ABCC4: variants seen among roughly 807,000 people sequenced by gnomAD.
ABCC4 encodes the protein ATP-binding cassette sub-family C member 4.
Under a neutral mutation model 168.5 loss-of-function variants are expected in ABCC4, and 102 were observed. The ratio of observed to expected loss-of-function variants is 0.61; its 90% confidence interval spans 0.52 to 0.71. The LOEUF (loss-of-function observed/expected upper bound fraction) is 0.71. ABCC4 is among the 30% of genes least tolerant of loss of function. ABCC4 has a pLI of 0.00. For synonymous variants in ABCC4, 617 were observed against 590.7 expected, an observed-to-expected ratio of 1.04 and a Z score of -0.65; for missense variants, 1,402 against 1,605.8, an observed-to-expected ratio of 0.87 and a Z score of 2.17.
intron 8 of ABCC4, among the ~76,000 whole-genome samples, chr13:95,196,463 A>G (rs2038417870): frequency 6.6e-6 from 1 of 152,058 alleles, no homozygotes; most frequent in Non-Finnish European, 1.5e-5. Context: ...TTAATGGCCA[A>G]TGTGATGGTA....
chr13:95,171,376 CG>C (rs2037468134), intron 13 of ABCC4, among the ~76,000 whole-genome samples: 1 of 136,354 alleles, frequency 7.3e-6, no homozygotes, highest in Non-Finnish European at 1.5e-5. Flanking sequence ...ACATTGTAAA[CG>C]TAGACTCCTG....
intron 16 of ABCC4, among the ~76,000 whole-genome samples, chr13:95,164,040 CAAAA>C (rs764381643): frequency 1.3e-5 from 1 of 74,724 alleles, no homozygotes; most frequent in African/African-American, 4.2e-5. Flanking sequence ...AACTCCATCT[CAAAA>C]AAAAAAAAAA....
chr13:95,031,102 G>A (rs1045257023), intron 30 of ABCC4, among the ~76,000 whole-genome samples: 1 of 152,240 alleles, frequency 6.6e-6, no homozygotes, highest in Admixed American at 6.5e-5. Flanking sequence ...TGTTACAGTT[G>A]TGAATGATGC....
intron 3 of ABCC4, among the ~76,000 whole-genome samples, chr13:95,238,582 T>C (rs2039844895): frequency 6.6e-6 from 1 of 152,014 alleles, no homozygotes; most frequent in Non-Finnish European, 1.5e-5. Context: ...TGAGATGGAG[T>C]TTCACTCTTG....
rs55980425 is a variant in ABCC4 at position 95,054,021 on chromosome 13, C to CTTTTTTTTTTTTTTTTT, written c.3367-854_3367-838dup. 14 of 71,636 alleles carry CTTTTTTTTTTTTTTTTT rather than the reference C, an allele frequency of 2.0e-4. 3 individuals carry two copies. The highest frequency in any genetic ancestry group is 9.4e-4 in the African/African-American group (13 of 13,778). The allele number at this position is 71,636 out of a possible 1,614,324, so 4.4% of individuals were successfully genotyped here. A position where few individuals can be genotyped will look rare whatever the true frequency, so the allele number is the denominator to read the frequency against. ...CTCTCCAATGTCAGAATGGGACATC[C>CTTTTTTTTTTTTTTTTT]TTTTTTTTTTTTTTTTTTTTTTTTT... On this transcript the variant is annotated intron_variant, in intron 26 of 30. Transcript: ENST00000645237.
intron 1 of ABCC4, among the ~76,000 whole-genome samples, chr13:95,292,492 T>A (rs2041427812): frequency 6.6e-6 from 1 of 152,164 alleles, no homozygotes; most frequent in Admixed American, 6.6e-5. Context: ...TGAACCTATT[T>A]TGGTTCTAGG....
At chr13:95,273,459 T>C (rs1024878486) in intron 1 of ABCC4, among the ~76,000 whole-genome samples, 4 of 152,124 alleles carry the variant, frequency 2.6e-5, no homozygotes, top group African/African-American at 4.8e-5. Context: ...AGACTCAGGG[T>C]GTGCCACCAG....
chr13:95,249,465 G>T (rs759490108), intron 1 of ABCC4, among the ~76,000 whole-genome samples: 3 of 152,128 alleles, frequency 2.0e-5, no homozygotes, highest in Non-Finnish European at 4.4e-5. Context: ...TCAATGCCCC[G>T]TAAGATTGGA....
intron 13 of ABCC4, among the ~76,000 whole-genome samples, chr13:95,172,581 A>T (rs2037515975): frequency 6.6e-6 from 1 of 151,766 alleles, no homozygotes; most frequent in Non-Finnish European, 1.5e-5. Context: ...GGAAAAAAAA[A>T]AAAAAAAGAC....
chr13:95,153,862 G>A (rs1050002080), intron 19 of ABCC4, among the ~76,000 whole-genome samples: 89 of 152,092 alleles, frequency 5.9e-4, no homozygotes, highest in African/African-American at 2.0e-3. Context: ...ATGTAACTAC[G>A]TAACTATTTA....
At chr13:95,131,243 A>G (rs193273473) in intron 19 of ABCC4, among the ~76,000 whole-genome samples, 1 of 152,218 alleles carries the variant, frequency 6.6e-6, no homozygotes, top group Non-Finnish European at 1.5e-5. Flanking sequence ...TAGGATTAAA[A>G]AAAGGGGAAG....
intron 8 of ABCC4, among the ~76,000 whole-genome samples, chr13:95,204,570 T>C (rs1234054808): frequency 6.6e-6 from 1 of 152,132 alleles, no homozygotes; most frequent in Non-Finnish European, 1.5e-5. Context: ...TGCTTCCCCT[T>C]CCGCCATGAC....
intron 18 of ABCC4, among the ~76,000 whole-genome samples, chr13:95,161,961 A>G (rs114966021): frequency 0.012 from 1,892 of 152,338 alleles, 53 homozygotes; most frequent in African/African-American, 0.042. Context: ...TGAATAAAAT[A>G]AATCATACAT....
rs541494316 is a variant in ABCC4, at chr13:95,064,433, G to C, written c.3211-1574C>G. Among the ~76,000 whole-genome samples the C allele has an allele frequency of 2.6e-5, 4 of 151,602 alleles. No homozygotes were observed. In the South Asian group the frequency reaches 8.4e-4, roughly 32 times the overall value. On this transcript the variant is annotated intron_variant, in intron 25 of 30. Coordinates refer to ENST00000645237, the MANE Select transcript of ABCC4 (RefSeq NM_005845.5). ...ATTTAAGATGACACATTCTTTGGTAGAGAAACTTCCAAATATTAAATACCT... is the reference window on the plus strand; with the variant it reads ...ATTTAAGATGACACATTCTTTGGTACAGAAACTTCCAAATATTAAATACCT...
chr13:95,072,225 C>T (rs2033753148), intron 24 of ABCC4, among the ~76,000 whole-genome samples: 1 of 152,192 alleles, frequency 6.6e-6, no homozygotes, highest in Non-Finnish European at 1.5e-5. Context: ...CTTTGGGAGG[C>T]CGGGGCAGGT....
At chr13:95,055,760 G>GT (rs1331070518) in intron 26 of ABCC4, 1 of 152,200 alleles carries the variant, frequency 6.6e-6, no homozygotes, top group African/African-American at 2.4e-5. Flanking sequence ...GGGTGCGCCT[G>GT]TAATTCCAGC....
At chr13:95,195,163 T>A (rs569377107) in intron 8 of ABCC4, among the ~76,000 whole-genome samples, 2 of 152,322 alleles carry the variant, frequency 1.3e-5, no homozygotes, top group Admixed American at 1.3e-4. Context: ...TTAGGAACTA[T>A]CTGTGTAATT....
chr13:95,105,873 C>CAGT (rs2034985928), intron 20 of ABCC4, among the ~76,000 whole-genome samples: 1 of 152,028 alleles, frequency 6.6e-6, no homozygotes, highest in South Asian at 2.1e-4. Context: ...TTCAGGTGAC[C>CAGT]GCAAAGAGCA....
chr13:95,190,685 A>G (rs1314393711), intron 9 of ABCC4, among the ~76,000 whole-genome samples: 1 of 152,242 alleles, frequency 6.6e-6, no homozygotes, highest in Non-Finnish European at 1.5e-5. Context: ...AGACATCAAC[A>G]CTAGTAGACA....
Sources: gnomAD v4.1 joint callset for allele counts (sites outside exome capture counted in the v4.1 genomes callset) on GRCh38, gnomAD v4.1.1 for gene constraint, MANE v1.5 for transcripts, NCBI Gene and HGNC (gene_info 2026-07-23, HGNC 2026-07-21) for gene names.